Variants in SPAG9 observed in about 807,000 individuals in gnomAD.
The protein encoded by SPAG9 is sperm associated antigen 9.
A neutral mutation model predicts 166.5 loss-of-function variants in SPAG9; 35 were observed. The observed-to-expected ratio is 0.21, with a 90% CI of 0.16 to 0.28. SPAG9 has a LOEUF of 0.28. SPAG9 is among the 10% of genes least tolerant of loss of function. The probability of loss-of-function intolerance (pLI) is 1.00; values close to 1 mark genes in which losing one functional copy is unlikely to be tolerated. For synonymous variants in SPAG9, 534 were observed against 565.5 expected (o/e 0.94, Z 0.79); for missense variants, 1,235 against 1,603.3 (o/e 0.77, Z 3.92).
At chr17:51,104,777 C>T (rs920806184) in intron 1 of SPAG9, among the ~76,000 whole-genome samples, 3 of 151,444 alleles carry the variant, frequency 2.0e-5, no homozygotes, top group Admixed American at 6.6e-5. Context: ...ACTAAAAATA[C>T]AAAAAATTAG....
chr17:51,072,221 G>A lies in SPAG9; in HGVS notation c.424+7363C>T, dbSNP rs2047839898. 5.9e-5 allele frequency among the ~76,000 whole-genome samples: 6 copies of A among 102,228 alleles called. No individual in the cohort carries two copies. In the South Asian group the frequency reaches 1.4e-3, roughly 24 times the overall value. The allele number at this position is 102,228 out of a possible 152,430, so 67.1% of individuals were successfully genotyped here. A position where few individuals can be genotyped will look rare whatever the true frequency, so the allele number is the denominator to read the frequency against. On this transcript the variant is annotated intron_variant, in intron 2 of 29. Transcript: ENST00000262013. ...CAAGTAGGTGGGATTACAGGCATGC[G>A]CCACCACACCTGGCTAATTTTTGTA...
At position 50,964,696 on chromosome 17, in the gene SPAG9, T is replaced by C. The variant is rs1374755983; in HGVS notation, c.*1576A>G. 2 of 448,126 alleles carry C rather than the reference T, an allele frequency of 4.5e-6. No homozygotes were observed. The highest frequency in any genetic ancestry group is 9.0e-6 in the Non-Finnish European group (2 of 223,138). The allele number at this position is 448,126 out of a possible 1,614,324, so 27.8% of individuals were successfully genotyped here. A position where few individuals can be genotyped will look rare whatever the true frequency, so the allele number is the denominator to read the frequency against. On this transcript the variant is annotated 3_prime_UTR_variant, in exon 30 of 30. Coordinates refer to ENST00000262013, the MANE Select transcript of SPAG9 (RefSeq NM_001130528.3). Reference sequence around the variant, plus strand: ...GAGGGAAAAAATTGCAGCATCGTGGTTTTAAAAAACTTATTAAGCAAGAAA... The same window carrying C: ...GAGGGAAAAAATTGCAGCATCGTGGCTTTAAAAAACTTATTAAGCAAGAAA...
intron 21 of SPAG9, among the ~76,000 whole-genome samples, chr17:50,988,510 T>G (rs913425489): frequency 4.6e-5 from 7 of 152,346 alleles, no homozygotes; most frequent in African/African-American, 1.7e-4. Flanking sequence ...GGGCCTAGAT[T>G]AACCAACCCT....
chr17:50,996,307 G>A lies in SPAG9; in HGVS notation c.1968+258C>T, dbSNP rs1480367449. On this transcript the variant is annotated intron_variant, in intron 16 of 29. Coordinates refer to ENST00000262013, the MANE Select transcript of SPAG9 (RefSeq NM_001130528.3). ...CCAGAATTGCTCTGGTTACAGCAGA[G>A]CGGGTACCTCAAACTCCATGCACTT... 1.2e-5 allele frequency: 5 copies of A among 418,148 alleles called. No homozygotes were observed. The East Asian group carries it at 2.0e-4, about 16-fold the overall frequency. The allele number at this position is 418,148 out of a possible 1,614,324, so 25.9% of individuals were successfully genotyped here.
Position 51,001,448 on chromosome 17 carries a change from A to G in SPAG9, c.1607+267T>C, listed in dbSNP as rs186511970. Among the ~76,000 whole-genome samples the G allele has an allele frequency of 1.4e-4, 21 of 152,328 alleles. 1 individual carries two copies. In the East Asian group the frequency reaches 3.5e-3, roughly 25 times the overall value. ...TACTGGGTAAGTAGTATTGATTTCTATATTTGAAAAATGACCATCATTCCT... is the reference window on the plus strand; with the variant it reads ...TACTGGGTAAGTAGTATTGATTTCTGTATTTGAAAAATGACCATCATTCCT... On this transcript the variant is annotated intron_variant, in intron 13 of 29. Coordinates refer to ENST00000262013, the MANE Select transcript of SPAG9 (RefSeq NM_001130528.3).
intron 5 of SPAG9, among the ~76,000 whole-genome samples, chr17:51,035,061 G>A (rs2046532985): frequency 6.6e-6 from 1 of 152,194 alleles, no homozygotes. Flanking sequence ...TATAATCCCT[G>A]CACTTTGGCA....
At chr17:51,064,018 T>A (rs897809908) in intron 2 of SPAG9, among the ~76,000 whole-genome samples, 3 of 152,190 alleles carry the variant, frequency 2.0e-5, no homozygotes, top group Admixed American at 1.3e-4. Flanking sequence ...TTAAGTATTA[T>A]CCTCTAGCAT....
chr17:51,037,665 T>TATATA lies in SPAG9; in HGVS notation c.741+3835_741+3836insTATAT, dbSNP rs2046646737. On this transcript the variant is annotated intron_variant, in intron 5 of 29. Transcript: ENST00000262013. ...AATAAAATAAGTAAATATATGTGTT[T>TATATA]TATATATATATATATATATAGTGTG... Among the ~76,000 whole-genome samples, 447 of 92,882 alleles carry TATATA rather than the reference T, an allele frequency of 4.8e-3. 6 individuals carry two copies. Among genetic ancestry groups the TATATA allele is most frequent in the African/African-American group, 0.016 (433 of 26,874 alleles). 60.9% of individuals were successfully genotyped at this position (92,882 alleles called of 152,430 possible).
chr17:51,112,025 G>A (rs1453389515), intron 1 of SPAG9, among the ~76,000 whole-genome samples: 1 of 148,644 alleles, frequency 6.7e-6, no homozygotes, highest in Admixed American at 7.0e-5. Flanking sequence ...TCTTAATCCA[G>A]AGCTAGTCTT....
chr17:51,053,027 G>A (rs1003776124), intron 3 of SPAG9, among the ~76,000 whole-genome samples: 4 of 151,518 alleles, frequency 2.6e-5, no homozygotes, highest in African/African-American at 4.9e-5. Context: ...CCAGCCTGGC[G>A]ACAGAGCAAG....
chr17:50,979,683 C>CATAG, intron 26 of SPAG9, 63 bp downstream of exon 26: 2 of 1,494,102 alleles, frequency 1.3e-6, no homozygotes, highest in Non-Finnish European at 1.9e-6. Context: ...TCAATAAACA[C>CATAG]ATAGATAGAT....
intron 5 of SPAG9, among the ~76,000 whole-genome samples, chr17:51,034,827 A>T (rs2046524448): frequency 6.6e-6 from 1 of 152,236 alleles, no homozygotes; most frequent in South Asian, 2.1e-4. Flanking sequence ...CCAAGATACT[A>T]GATTCTGTTA....
intron 4 of SPAG9, among the ~76,000 whole-genome samples, chr17:51,042,142 A>G (rs1271607275): frequency 1.3e-5 from 2 of 152,204 alleles, no homozygotes; most frequent in Non-Finnish European, 2.9e-5. Flanking sequence ...AATCAGGGCT[A>G]CCTATTAAAT....
intron 2 of SPAG9, among the ~76,000 whole-genome samples, chr17:51,075,195 C>CAAAAAAAAAAAAAAAAAAAAAA (rs57533555): frequency 3.5e-5 from 1 of 28,966 alleles, no homozygotes; most frequent in Non-Finnish European, 6.4e-5. Flanking sequence ...GACTCCATCT[C>CAAAAAAAAAAAAAAAAAAAAAA]AAAAAAAAAA....
At chr17:51,087,396 T>G (rs1426748691) in intron 1 of SPAG9, among the ~76,000 whole-genome samples, 1 of 152,208 alleles carries the variant, frequency 6.6e-6, no homozygotes, top group Non-Finnish European at 1.5e-5. Flanking sequence ...TTCAAACAGA[T>G]GCCAAAATAC....
intron 2 of SPAG9, among the ~76,000 whole-genome samples, chr17:51,062,851 A>G (rs1365154048): frequency 6.6e-6 from 1 of 152,028 alleles, no homozygotes; most frequent in Non-Finnish European, 1.5e-5. Flanking sequence ...CCGCCTCTCA[A>G]AGTGCTGGGA....
At chr17:50,985,823 G>T in intron 22 of SPAG9, 45 bp from the exon 23 acceptor site, 2 of 1,078,204 alleles carry the variant, frequency 1.9e-6, no homozygotes, top group Non-Finnish European at 2.8e-6. Context: ...AGAACATCAA[G>T]ACATTGCATA....
intron 3 of SPAG9, among the ~76,000 whole-genome samples, chr17:51,051,050 G>C (rs185339154): frequency 1.6e-3 from 215 of 135,764 alleles, no homozygotes; most frequent in Middle Eastern, 7.4e-3. Context: ...AAAACAAAAA[G>C]AAAAAGAAAG....
At chr17:50,969,755 C>T in intron 29 of SPAG9, among the ~76,000 whole-genome samples, 1 of 152,108 alleles carries the variant, frequency 6.6e-6, no homozygotes, top group East Asian at 1.9e-4. Flanking sequence ...CCCTGGTCCT[C>T]CCCACCCCAT....
Sources: gnomAD v4.1 joint callset for allele counts (sites outside exome capture counted in the v4.1 genomes callset) on GRCh38, gnomAD v4.1.1 for gene constraint, MANE v1.5 for transcripts, NCBI Gene and HGNC (gene_info 2026-07-23, HGNC 2026-07-21) for gene names.